Variants in COL6A5 observed in about 807,000 individuals in gnomAD.
COL6A5 encodes collagen type VI alpha 5 chain.
COL6A5 carries 48 observed loss-of-function variants against 65.6 expected under a neutral mutation model. That is an observed-to-expected ratio of 0.73 (90% CI 0.58 to 0.93). The LOEUF is 0.93. Ranked by LOEUF, COL6A5 falls within the 40% of genes least tolerant of loss-of-function variation. The probability of loss-of-function intolerance (pLI) is 0.00; values close to 1 mark genes in which losing one functional copy is unlikely to be tolerated. For synonymous variants in COL6A5, 291 were observed against 322.8 expected (o/e 0.90, Z 1.05); for missense variants, 914 against 928.3 (o/e 0.98, Z 0.20).
chr3:130,477,687 AT>A (rs1710133995), intron 7 of COL6A5, among the ~76,000 whole-genome samples: 1 of 152,216 alleles, frequency 6.6e-6, no homozygotes, highest in Non-Finnish European at 1.5e-5. Context: ...CGAATCCGAA[AT>A]TCTGGAGGTG....
At chr3:130,372,415 TTCA>T (rs1237911470) in intron 1 of COL6A5, among the ~76,000 whole-genome samples, 1 of 152,032 alleles carries the variant, frequency 6.6e-6, no homozygotes, top group Non-Finnish European at 1.5e-5. Context: ...AACCCAAATG[TTCA>T]TCAACTGACA....
At chr3:130,385,165 G>A in exon 5 of COL6A5, 1 of 1,551,090 alleles carries the variant, frequency 6.4e-7, no homozygotes, top group South Asian at 1.2e-5. Flanking sequence ...CTGATGGGAT[G>A]TCCACAGACA....
intron 1 of COL6A5, among the ~76,000 whole-genome samples, chr3:130,355,702 G>A (rs999878774): frequency 6.6e-6 from 1 of 151,532 alleles, no homozygotes; most frequent in Non-Finnish European, 1.5e-5. Context: ...AACGTGATAA[G>A]GCAAAATAAA....
At chr3:130,361,447 C>T (rs1935103574) in intron 1 of COL6A5, among the ~76,000 whole-genome samples, 1 of 151,882 alleles carries the variant, frequency 6.6e-6, no homozygotes, top group Non-Finnish European at 1.5e-5. Flanking sequence ...AATCTATTGG[C>T]CTGAATATAC....
At position 130,426,410 on chromosome 3, in the gene COL6A5, A is replaced by C; in HGVS notation, c.5236+7A>C. The C allele has an allele frequency of 6.4e-7, 1 of 1,551,090 alleles. No homozygotes were observed. Among genetic ancestry groups the C allele is most frequent in the South Asian group, 1.2e-5 (1 of 84,042 alleles). Reference sequence around the variant, plus strand: ...TTTTTGCGGGAACATAGTCGTGAGTATCTGTTACGGAACAAGAGCATCCAT... The same window carrying C: ...TTTTTGCGGGAACATAGTCGTGAGTCTCTGTTACGGAACAAGAGCATCCAT... On this transcript the variant is annotated splice_region_variant and intron_variant and NMD_transcript_variant, in intron 31 of 41. Coordinates refer to the COL6A5 transcript ENST00000312481.
intron 7 of COL6A5, among the ~76,000 whole-genome samples, chr3:130,475,074 G>A (rs1204503914): frequency 1.5e-5 from 2 of 131,614 alleles, no homozygotes; most frequent in African/African-American, 2.8e-5. Context: ...CTTGAAGAAA[G>A]ATTAATTATG....
rs930864069 is a variant in COL6A5, at chr3:130,401,251, G to A, written c.4134+78G>A. 3 of 1,307,970 alleles carry A rather than the reference G, an allele frequency of 2.3e-6. No individual in the cohort carries two copies. The African/African-American group carries it at 4.5e-5, about 20-fold the overall frequency. The allele number at this position is 1,307,970 out of a possible 1,614,324, so 81.0% of individuals were successfully genotyped here. On this transcript the variant is annotated intron_variant and NMD_transcript_variant, in intron 11 of 41. Transcript: ENST00000312481. ...TGGAATCTTGATGAGAACTTTCAAAGACTGCCTTTGTTTACCCCCACTAAA... is the reference window on the plus strand; with the variant it reads ...TGGAATCTTGATGAGAACTTTCAAAAACTGCCTTTGTTTACCCCCACTAAA...
intron 12 of COL6A5, among the ~76,000 whole-genome samples, chr3:130,402,747 T>A (rs995363436): frequency 1.3e-5 from 2 of 152,150 alleles, no homozygotes; most frequent in Non-Finnish European, 2.9e-5. Flanking sequence ...ACCTTATATA[T>A]ATAAAAATTA....
intron 7 of COL6A5, among the ~76,000 whole-genome samples, chr3:130,393,924 C>T (rs542510773): frequency 6.6e-6 from 1 of 152,302 alleles, no homozygotes; most frequent in East Asian, 1.9e-4. Context: ...TTACCGCCTG[C>T]CCATACTCCC....
chr3:130,420,538 T>C (rs1034546076), intron 25 of COL6A5, among the ~76,000 whole-genome samples: 22 of 152,140 alleles, frequency 1.4e-4, no homozygotes, highest in Non-Finnish European at 2.9e-4. Flanking sequence ...AATTTCTACA[T>C]AGAGATTTCT....
chr3:130,401,988 T>C, intron 12 of COL6A5, 134 bp downstream of exon 12: 1 of 646,616 alleles, frequency 1.5e-6, no homozygotes, highest in South Asian at 2.4e-5. Context: ...TGTGACTTTT[T>C]TGGAATAAAA....
chr3:130,475,584 G>C (rs1559923080), intron 7 of COL6A5, among the ~76,000 whole-genome samples: 1 of 152,066 alleles, frequency 6.6e-6, no homozygotes. Context: ...GGAAAATTAA[G>C]AGAACTTCTC....
At chr3:130,472,258 G>A (rs1250923320) in intron 7 of COL6A5, among the ~76,000 whole-genome samples, 4 of 152,062 alleles carry the variant, frequency 2.6e-5, no homozygotes, top group Non-Finnish European at 1.5e-5. Context: ...AAGGGGAACT[G>A]TGCAAGGAGC....
At chr3:130,424,965 C>T (rs1295565809) in intron 29 of COL6A5, among the ~76,000 whole-genome samples, 3 of 152,060 alleles carry the variant, frequency 2.0e-5, no homozygotes, top group African/African-American at 4.8e-5. Flanking sequence ...TGCTTAAGAA[C>T]TTGTTCAAAG....
rs141004017 is a variant in COL6A5 at position 130,444,507 on chromosome 3, C to T, written c.1332+941C>T. ...GAAATCTTCACAATCCACGTTCTTC[C>T]GCCATGGCTTCAGCCGGTCCCTCCG... On this transcript the variant is annotated intron_variant, in intron 4 of 7. Coordinates refer to ENST00000512836, the Ensembl canonical transcript of COL6A5. Among the ~76,000 whole-genome samples the T allele has an allele frequency of 2.5e-3, 380 of 152,214 alleles. 4 individuals are homozygous for T. Among genetic ancestry groups the T allele is most frequent in the African/African-American group, 6.4e-3 (265 of 41,556 alleles).
chr3:130,452,533 G>A (rs1159610842), intron 4 of COL6A5, among the ~76,000 whole-genome samples: 2 of 152,172 alleles, frequency 1.3e-5, no homozygotes, highest in African/African-American at 4.8e-5. Flanking sequence ...TTCAAAAGGG[G>A]AGGGAGTGTA....
intron 25 of COL6A5, among the ~76,000 whole-genome samples, chr3:130,419,268 G>A (rs1006391743): frequency 3.3e-5 from 5 of 152,044 alleles, no homozygotes; most frequent in African/African-American, 1.2e-4. Context: ...TCTTGCAAAA[G>A]TCTAAGGTGA....
At chr3:130,483,661 G>A (rs955666247) in intron 7 of COL6A5, among the ~76,000 whole-genome samples, 2 of 152,166 alleles carry the variant, frequency 1.3e-5, no homozygotes, top group Non-Finnish European at 2.9e-5. Context: ...GAAAACGAAA[G>A]AATATTGTCC....
At chr3:130,480,070 G>A (rs1213886559) in intron 7 of COL6A5, among the ~76,000 whole-genome samples, 5 of 151,912 alleles carry the variant, frequency 3.3e-5, no homozygotes, top group Admixed American at 3.3e-4. Context: ...AAGATCCATC[G>A]ATGTAAATAA....
Sources: gnomAD v4.1 joint callset for allele counts (sites outside exome capture counted in the v4.1 genomes callset) on GRCh38, gnomAD v4.1.1 for gene constraint, MANE v1.5 for transcripts, NCBI Gene and HGNC (gene_info 2026-07-23, HGNC 2026-07-21) for gene names.